AGAP1: variants seen among roughly 807,000 people sequenced by gnomAD.
The protein encoded by AGAP1 is ArfGAP with GTPase domain, ankyrin repeat and PH domain 1.
Under a neutral mutation model 105.3 loss-of-function variants are expected in AGAP1, and 29 were observed. The ratio of observed to expected loss-of-function variants is 0.28; its 90% CI spans 0.21 to 0.38. The LOEUF (loss-of-function observed/expected upper bound fraction) is 0.38. Ranked by LOEUF, AGAP1 falls within the 10% of genes least tolerant of loss-of-function variation. The pLI is 1.00. For synonymous variants in AGAP1, 509 were observed against 485.9 expected (o/e 1.05, Z -0.63); for missense variants, 998 against 1,165.1 (o/e 0.86, Z 2.09).
intron 1 of AGAP1, among the ~76,000 whole-genome samples, chr2:235,607,616 T>C (rs1001396753): frequency 6.6e-6 from 1 of 152,216 alleles, no homozygotes; most frequent in African/African-American, 2.4e-5. Flanking sequence ...AGGGGCTGGA[T>C]CCTGAGCCCT....
chr2:236,104,912 AAG>A lies in AGAP1; in HGVS notation c.2115-15279_2115-15278del, dbSNP rs1491017994. Among the ~76,000 whole-genome samples, 6 of 152,174 alleles carry A rather than the reference AAG, an allele frequency of 3.9e-5. No individual in the cohort carries two copies. In the East Asian group the frequency reaches 1.2e-3, roughly 29 times the overall value. On this transcript the variant is annotated intron_variant, in intron 16 of 17. Transcript: ENST00000304032. The surrounding 1 kb of genome is among the most constrained non-coding windows in gnomAD (Gnocchi z 4.7). Reference sequence around the variant, plus strand: ...GAGACTCTGTCTCAAGGAAAAAAAAAAGGACTAGCGTGCACAGAGCCCTCGAG... The same window carrying A: ...GAGACTCTGTCTCAAGGAAAAAAAAAGACTAGCGTGCACAGAGCCCTCGAG...
chr2:235,542,553 C>G (rs1943481437), intron 1 of AGAP1, among the ~76,000 whole-genome samples: 1 of 148,586 alleles, frequency 6.7e-6, no homozygotes, highest in African/African-American at 2.6e-5. Context: ...CCTCCTGACC[C>G]ATGTGATACT....
chr2:235,708,322 A>G (rs1394936638), intron 1 of AGAP1, among the ~76,000 whole-genome samples: 1 of 152,208 alleles, frequency 6.6e-6, no homozygotes, highest in Non-Finnish European at 1.5e-5. Context: ...TGTGATCACC[A>G]GGACAAATGA....
chr2:235,984,792 T>C (rs1281256026), intron 13 of AGAP1, among the ~76,000 whole-genome samples: 2 of 152,200 alleles, frequency 1.3e-5, no homozygotes, highest in Non-Finnish European at 2.9e-5. Context: ...TCATTCCTTT[T>C]TATGGCTGCA....
rs190736010 is a variant in AGAP1 at position 236,061,613 on chromosome 2, C to G, written c.2114+12332C>G. ...AGGAAGCAGGCACAGAAGGCCACAC[C>G]GTGTACCATTCCATCTGTCTGATGG... is the stretch of plus-strand genomic sequence containing the variant. On this transcript the variant is annotated intron_variant, in intron 16 of 17. Coordinates refer to ENST00000304032, the MANE Select transcript of AGAP1 (RefSeq NM_001037131.3). This position sits in a 1 kb window ranked among gnomAD's most constrained non-coding sequence, Gnocchi z 4.1. Among the ~76,000 whole-genome samples, 20 of 152,188 alleles carry G rather than the reference C, an allele frequency of 1.3e-4. No individual in the cohort carries two copies. The South Asian group carries it at 3.5e-3, about 27-fold the overall frequency.
At chr2:235,816,399 C>G (rs1480132869) in intron 9 of AGAP1, among the ~76,000 whole-genome samples, 1 of 147,254 alleles carries the variant, frequency 6.8e-6, no homozygotes, top group African/African-American at 2.5e-5. Flanking sequence ...GATCGCACCA[C>G]TGCACTCCAG....
rs1243025629 is a variant in AGAP1, at chr2:235,951,603, G to A, written c.1484-16859G>A. Among the ~76,000 whole-genome samples the A allele has an allele frequency of 1.3e-5, 2 of 152,178 alleles. No homozygotes were observed. The highest frequency in any genetic ancestry group is 4.8e-5 in the African/African-American group (2 of 41,418). Reference sequence around the variant, plus strand: ...CGTAAACAGAGGTTGTCCCGGGAAAGGCAGAATGAATGTCACCCACCCTGG... The same window carrying A: ...CGTAAACAGAGGTTGTCCCGGGAAAAGCAGAATGAATGTCACCCACCCTGG... On this transcript the variant is annotated intron_variant, in intron 12 of 17. Coordinates refer to ENST00000304032, the MANE Select transcript of AGAP1 (RefSeq NM_001037131.3). The surrounding 1 kb of genome is among the most constrained non-coding windows in gnomAD (Gnocchi z 4.2).
chr2:235,610,026 A>G lies in AGAP1; in HGVS notation c.164-99153A>G, dbSNP rs1304039632. Among the ~76,000 whole-genome samples, 6 of 152,048 alleles carry G rather than the reference A, an allele frequency of 3.9e-5. No homozygotes were observed. Among genetic ancestry groups the G allele is most frequent in the African/African-American group, 1.2e-4 (5 of 41,396 alleles). On this transcript the variant is annotated intron_variant, in intron 1 of 17. Coordinates refer to ENST00000304032, the MANE Select transcript of AGAP1 (RefSeq NM_001037131.3). The surrounding 1 kb of genome is among the most constrained non-coding windows in gnomAD (Gnocchi z 4.9). ...ATTTAGCTAGGGTAGGATAATGGTAAAGTTGCCAGCAGCAATGCTTTTCCT... is the reference window on the plus strand; with the variant it reads ...ATTTAGCTAGGGTAGGATAATGGTAGAGTTGCCAGCAGCAATGCTTTTCCT...
rs1283826822 is a variant in AGAP1 at position 236,014,047 on chromosome 2, G to T, written c.1646-22514G>T. Among the ~76,000 whole-genome samples, 1 of 152,134 alleles carries T rather than the reference G, an allele frequency of 6.6e-6. No homozygotes were observed. The highest frequency in any genetic ancestry group is 1.5e-5 in the Non-Finnish European group (1 of 68,026). On this transcript the variant is annotated intron_variant, in intron 13 of 17. Transcript: ENST00000304032. The surrounding 1 kb of genome is among the most constrained non-coding windows in gnomAD (Gnocchi z 6.3). ...GCCAGGCACTGCACACAGCCTGAGT[G>T]GTGGGCCTGCTGCGCCCTTGTTAAA...
At chr2:235,512,003 TGTGACTGTGTGA>T (rs1942153612) in intron 1 of AGAP1, among the ~76,000 whole-genome samples, 1 of 137,704 alleles carries the variant, frequency 7.3e-6, no homozygotes, top group Admixed American at 7.0e-5. Flanking sequence ...TGAATGCGTG[TGTGACTGTGTGA>T]ATGTGTGAGG....
rs142850737 is a variant in AGAP1, at chr2:235,960,287, G to C, written c.1484-8175G>C. On this transcript the variant is annotated intron_variant, in intron 12 of 17. Transcript: ENST00000304032. The surrounding 1 kb of genome is among the most constrained non-coding windows in gnomAD (Gnocchi z 4.9). ...CTCATGAATGCTGGCCTGGCTTTCTGTTTCCATTCTTGAGATTGCAGTTGT... is the reference window on the plus strand; with the variant it reads ...CTCATGAATGCTGGCCTGGCTTTCTCTTTCCATTCTTGAGATTGCAGTTGT... Among the ~76,000 whole-genome samples the C allele has an allele frequency of 3.4e-3, 513 of 152,290 alleles. No homozygotes were observed. The highest frequency in any genetic ancestry group is 5.1e-3 in the Non-Finnish European group (346 of 68,026).
Position 235,744,963 on chromosome 2 carries a change from G to C in AGAP1, c.538+124G>C. On this transcript the variant is annotated intron_variant, in intron 5 of 17. Transcript: ENST00000304032. This position sits in a 1 kb window ranked among gnomAD's most constrained non-coding sequence, Gnocchi z 5.2. ...TGCCTACTGAACGCTCACTTTTTTG[G>C]GAAAAATTATGGAACTGAAATGATC... 1.7e-6 allele frequency: 2 copies of C among 1,187,006 alleles called. No homozygotes were observed. The highest frequency in any genetic ancestry group is 2.3e-6 in the Non-Finnish European group (2 of 864,718). The allele number at this position is 1,187,006 out of a possible 1,614,324, so 73.5% of individuals were successfully genotyped here. A position where few individuals can be genotyped will look rare whatever the true frequency, so the allele number is the denominator to read the frequency against.
chr2:236,091,222 G>A (rs1175014844), intron 16 of AGAP1, among the ~76,000 whole-genome samples: 1 of 152,238 alleles, frequency 6.6e-6, no homozygotes, highest in Non-Finnish European at 1.5e-5. Context: ...AGCAACTTTG[G>A]AGGGGTGAAG....
chr2:235,675,219 T>G (rs1222039966), intron 1 of AGAP1, among the ~76,000 whole-genome samples: 3 of 145,132 alleles, frequency 2.1e-5, no homozygotes, highest in Admixed American at 7.0e-5. Flanking sequence ...AGACAGAGTC[T>G]CGCTCTGTCG....
At chr2:235,698,183 C>T (rs1469619566) in intron 1 of AGAP1, among the ~76,000 whole-genome samples, 1 of 151,986 alleles carries the variant, frequency 6.6e-6, no homozygotes, top group African/African-American at 2.4e-5. Context: ...TCCTGTGAGA[C>T]TCTAATGCCG....
At chr2:235,813,631 G>A (rs1484419000) in intron 9 of AGAP1, among the ~76,000 whole-genome samples, 3 of 152,252 alleles carry the variant, frequency 2.0e-5, no homozygotes, top group Non-Finnish European at 2.9e-5. Context: ...ATGGTCTAGG[G>A]CTGGGCGTTG....
intron 8 of AGAP1, among the ~76,000 whole-genome samples, chr2:235,802,919 T>TG (rs1168193403): frequency 7.6e-6 from 1 of 132,382 alleles, no homozygotes; most frequent in East Asian, 2.4e-4. Flanking sequence ...GTGTGATGGT[T>TG]GTGGTTGTGG....
rs1219922817 is a variant in AGAP1, at chr2:235,573,012, C to CT, written c.163+78165dup. ...TCTTCTTCTTCTTCTTCTTCTTCTT[C>CT]TTCTTCTTCTTCTTCTTCTTCTTCT... On this transcript the variant is annotated intron_variant, in intron 1 of 17. Transcript: ENST00000304032. Among the ~76,000 whole-genome samples, 130 of 19,464 alleles carry CT rather than the reference C, an allele frequency of 6.7e-3. 15 individuals carry two copies. The East Asian group carries it at 0.13, about 19-fold the overall frequency. The allele number at this position is 19,464 out of a possible 152,430, so 12.8% of individuals were successfully genotyped here. A position where few individuals can be genotyped will look rare whatever the true frequency, so the allele number is the denominator to read the frequency against.
chr2:235,722,191 T>G (rs1228860420), intron 3 of AGAP1, among the ~76,000 whole-genome samples: 2 of 152,186 alleles, frequency 1.3e-5, no homozygotes, highest in East Asian at 3.9e-4. Context: ...GTGTAATATA[T>G]GTATGTGTAC....
Sources: gnomAD v4.1 joint callset for allele counts (sites outside exome capture counted in the v4.1 genomes callset) on GRCh38, gnomAD v4.1.1 for gene constraint, Gnocchi (gnomAD v3.1) non-coding constraint, MANE v1.5 for transcripts, NCBI Gene and HGNC (gene_info 2026-07-23, HGNC 2026-07-21) for gene names.